CDH8: variants seen among roughly 807,000 people sequenced by gnomAD.
The protein encoded by CDH8 is cadherin-8.
In CDH8, 17 loss-of-function variants were observed where a neutral mutation model predicts 68.1. That is an observed-to-expected ratio of 0.25 (90% CI 0.17 to 0.37). The LOEUF (loss-of-function observed/expected upper bound fraction) is 0.37, where lower values mean the gene tolerates loss of function less well. Ranked by LOEUF, CDH8 falls within the 10% of genes least tolerant of loss-of-function variation. CDH8 has a pLI of 1.00. For synonymous variants in CDH8, 372 were observed against 365.1 expected, an observed-to-expected ratio of 1.02 and a Z score of -0.21; for missense variants, 763 against 999.3, an observed-to-expected ratio of 0.76 and a Z score of 3.19.
intron 10 of CDH8, among the ~76,000 whole-genome samples, chr16:61,686,156 A>G (rs905558186): frequency 1.3e-5 from 2 of 152,058 alleles, no homozygotes; most frequent in Admixed American, 6.6e-5. Context: ...AGTGAATCTG[A>G]TTTCTCAAAA....
chr16:61,986,646 T>C (rs1339375278), intron 2 of CDH8, among the ~76,000 whole-genome samples: 1 of 152,144 alleles, frequency 6.6e-6, no homozygotes, highest in Non-Finnish European at 1.5e-5. Flanking sequence ...AGCAACAGCA[T>C]CTGGAGGTGA....
At chr16:61,972,448 T>C (rs950407883) in intron 2 of CDH8, among the ~76,000 whole-genome samples, 1 of 152,140 alleles carries the variant, frequency 6.6e-6, no homozygotes, top group Non-Finnish European at 1.5e-5. Context: ...CTAAGGGAAA[T>C]GGCAGGGCCA....
intron 4 of CDH8, among the ~76,000 whole-genome samples, chr16:61,846,825 T>G (rs1237881611): frequency 6.6e-6 from 1 of 152,076 alleles, no homozygotes; most frequent in East Asian, 1.9e-4. Flanking sequence ...AAGAGTTACA[T>G]TCCACTGTAA....
chr16:61,840,379 C>T (rs1363002174), intron 4 of CDH8, among the ~76,000 whole-genome samples: 1 of 152,174 alleles, frequency 6.6e-6, no homozygotes, highest in Non-Finnish European at 1.5e-5. Flanking sequence ...TACTCTTTCT[C>T]ACCCAACCAT....
At chr16:61,773,580 C>T (rs1960833727) in intron 8 of CDH8, among the ~76,000 whole-genome samples, 1 of 151,964 alleles carries the variant, frequency 6.6e-6, no homozygotes, top group African/African-American at 2.4e-5. Flanking sequence ...GGGCCTGTGG[C>T]AGTGGTTCCA....
intron 8 of CDH8, among the ~76,000 whole-genome samples, chr16:61,752,535 T>C (rs560282794): frequency 6.6e-6 from 1 of 152,290 alleles, no homozygotes; most frequent in East Asian, 1.9e-4. Context: ...TAGGATATTT[T>C]ATTTTCTTTA....
In CDH8 at chr16:61,652,800, A is replaced by G. The variant is rs1353797151; in HGVS notation, c.*808T>C. 7.3e-7 allele frequency: 1 copy of G among 1,377,828 alleles called. No individual in the cohort carries two copies. The highest frequency in any genetic ancestry group is 2.8e-5 in the East Asian group (1 of 35,206). 85.4% of individuals were successfully genotyped at this position (1,377,828 alleles called of 1,614,324 possible). ...AAACAAATAAATTCACGCGCTAGCA[A>G]TAAAACCATCTGTCTCTTATGTAGT... On this transcript the variant is annotated 3_prime_UTR_variant, in exon 12 of 12. Transcript: ENST00000577390.
At chr16:61,781,826 G>C (rs1961064673) in intron 8 of CDH8, among the ~76,000 whole-genome samples, 1 of 152,152 alleles carries the variant, frequency 6.6e-6, no homozygotes, top group South Asian at 2.1e-4. Context: ...TCTAAATGAG[G>C]TTAACACTTC....
intron 3 of CDH8, among the ~76,000 whole-genome samples, chr16:61,876,774 AT>A: frequency 6.6e-6 from 1 of 152,012 alleles, no homozygotes; most frequent in African/African-American, 2.4e-5. Flanking sequence ...TCAACTTTCC[AT>A]TTGTGTCTGT....
chr16:61,733,729 C>A (rs142159503), intron 8 of CDH8, among the ~76,000 whole-genome samples: 1,845 of 151,666 alleles, frequency 0.012, 42 homozygotes, highest in African/African-American at 0.043. Flanking sequence ...ATTTTTTTGT[C>A]CAGTATAAAA....
chr16:61,887,604 A>G (rs1309954568), intron 3 of CDH8, among the ~76,000 whole-genome samples: 1 of 152,088 alleles, frequency 6.6e-6, no homozygotes, highest in Non-Finnish European at 1.5e-5. Flanking sequence ...GACACCATTC[A>G]GACAGCATTA....
intron 1 of CDH8, among the ~76,000 whole-genome samples, chr16:62,033,602 G>A (rs1902379856): frequency 6.6e-6 from 1 of 152,318 alleles, no homozygotes; most frequent in South Asian, 2.1e-4. Flanking sequence ...GAACCAATTT[G>A]CAGGGAGAAT....
chr16:61,677,323 C>A (rs1181130655), intron 10 of CDH8, among the ~76,000 whole-genome samples: 1 of 151,096 alleles, frequency 6.6e-6, no homozygotes, highest in Non-Finnish European at 1.5e-5. Context: ...ACTGCTGGTA[C>A]TTTTCCTTAC....
chr16:61,920,461 C>G (rs1376117055), intron 2 of CDH8, among the ~76,000 whole-genome samples: 3 of 148,116 alleles, frequency 2.0e-5, no homozygotes, highest in Admixed American at 6.7e-5. Context: ...ACAGACACTT[C>G]TCAAAAGAAG....
intron 2 of CDH8, among the ~76,000 whole-genome samples, chr16:61,963,419 T>A (rs549911975): frequency 5.3e-5 from 8 of 152,324 alleles, no homozygotes; most frequent in Admixed American, 5.2e-4. Context: ...ATATCACCAT[T>A]GTAACAGCAA....
intron 2 of CDH8, among the ~76,000 whole-genome samples, chr16:61,948,678 T>C (rs1031678220): frequency 3.3e-5 from 5 of 152,192 alleles, no homozygotes. Context: ...CAACAATAGA[T>C]GTTAAATCCG....
intron 10 of CDH8, among the ~76,000 whole-genome samples, chr16:61,684,328 C>A (rs1022631928): frequency 6.6e-6 from 1 of 151,800 alleles, no homozygotes; most frequent in Non-Finnish European, 1.5e-5. Context: ...GTTGCTAAAT[C>A]CTGTGTTATT....
chr16:61,820,314 G>GTTT (rs545670875), intron 6 of CDH8, among the ~76,000 whole-genome samples: 11,715 of 90,214 alleles, frequency 0.13, 1,040 homozygotes, highest in African/African-American at 0.19. Context: ...TGCCTGTTTG[G>GTTT]TTTTTTTTTT....
intron 2 of CDH8, among the ~76,000 whole-genome samples, chr16:62,020,932 C>T (rs1902058348): frequency 6.6e-6 from 1 of 151,930 alleles, no homozygotes; most frequent in Non-Finnish European, 1.5e-5. Flanking sequence ...TTACTGATAG[C>T]CGGGTGGAAG....
Sources: allele counts gnomAD v4.1 joint callset (sites outside exome capture counted in the v4.1 genomes callset), GRCh38; gene constraint gnomAD v4.1.1; transcripts MANE v1.5; gene names NCBI Gene and HGNC (gene_info 2026-07-23, HGNC 2026-07-21).